Variants in RYR1 observed in about 807,000 individuals in gnomAD.
The protein encoded by RYR1 is central core disease of muscle.
Under a neutral mutation model 583.5 loss-of-function variants are expected in RYR1, and 342 were observed. That is an observed-to-expected ratio of 0.59 (90% CI 0.54 to 0.64). The LOEUF (loss-of-function observed/expected upper bound fraction) is 0.64, where lower values mean the gene tolerates loss of function less well. Among genes scored for constraint, RYR1 ranks in the 30% least tolerant of loss-of-function variants. The probability of loss-of-function intolerance (pLI) is 0.00; values close to 1 mark genes in which losing one functional copy is unlikely to be tolerated. For missense variants in RYR1, 6,032 were observed against 6,917.2 expected (o/e 0.87, Z 4.54); for synonymous variants, 2,791 against 2,822.5 (o/e 0.99, Z 0.35).
intron 22 of RYR1, among the ~76,000 whole-genome samples, chr19:38,464,163 GCTC>G (rs1967954394): frequency 6.6e-6 from 1 of 151,354 alleles, no homozygotes; most frequent in South Asian, 2.1e-4. Flanking sequence ...TGTAATCCCA[GCTC>G]CTCAGGAGGC....
intron 95 of RYR1, 44 bp downstream of exon 95, chr19:38,572,314 G>A (rs1473717405): frequency 6.4e-7 from 1 of 1,556,950 alleles, no homozygotes; most frequent in Non-Finnish European, 8.7e-7. Context: ...TTATTGGCTG[G>A]GTGGGGGTGG....
Position 38,489,275 on chromosome 19 carries a change from A to G in RYR1, c.5646A>G (p.Glu1882=). 3 of 1,607,194 alleles carry G rather than the reference A, an allele frequency of 1.9e-6. No individual in the cohort carries two copies. Among genetic ancestry groups the G allele is most frequent in the Middle Eastern group, 1.7e-4 (1 of 6,052 alleles). The part of the protein sequence containing the change: ...TEEEEEEDEE[E]EGEEEDEEEK... ...AAGAAGAGGAGGAGGACGAGGAGGA[A>G]GAGGGTGAAGAGGAAGATGAGGAGG... The change falls in exon 35 of 106, where the codon GAA becomes GAG. Residue 1882 remains glutamate, a synonymous_variant. Coordinates refer to ENST00000359596, the MANE Select transcript of RYR1 (RefSeq NM_000540.3).
At chr19:38,537,008 C>T (rs1175027170) in intron 83 of RYR1, 1 of 595,310 alleles carries the variant, frequency 1.7e-6, no homozygotes, top group Non-Finnish European at 3.0e-6. Flanking sequence ...CCCTAAGCTT[C>T]ACTTTCCCCA....
intron 20 of RYR1, among the ~76,000 whole-genome samples, chr19:38,460,893 G>A (rs1392780393): frequency 3.9e-5 from 6 of 152,136 alleles, no homozygotes; most frequent in African/African-American, 1.2e-4. Context: ...ACTGAGGCAG[G>A]AGAATCGCTT....
At position 38,458,380 on chromosome 19, in the gene RYR1, G is replaced by T. The variant is rs1270541187; in HGVS notation, c.2167+88G>T. 3 of 1,367,724 alleles carry T rather than the reference G, an allele frequency of 2.2e-6. No individual in the cohort carries two copies. In the Admixed American group the frequency reaches 5.2e-5, roughly 24 times the overall value. 84.7% of individuals were successfully genotyped at this position (1,367,724 alleles called of 1,614,324 possible). A position where few individuals can be genotyped will look rare whatever the true frequency, so the allele number is the denominator to read the frequency against. On this transcript the variant is annotated intron_variant, in intron 18 of 105. Transcript: ENST00000359596. ...TGACCATACACCTTGGGGTTCTCAG[G>T]ATCCTGACTCCCTGAAAAGGTCAAC...
chr19:38,502,750 G>GGCAGGGGCAGGGGC, intron 48 of RYR1, 23 bp downstream of exon 48: 1 of 1,236,568 alleles, frequency 8.1e-7, no homozygotes, highest in Non-Finnish European at 1.1e-6. Context: ...AGGCTTCAGG[G>GGCAGGGGCAGGGGC]TGGGGCAGGG....
chr19:38,572,431 C>T (rs1188632375), intron 95 of RYR1, among the ~76,000 whole-genome samples, 161 bp downstream of exon 95: 1 of 151,960 alleles, frequency 6.6e-6, no homozygotes, highest in African/African-American at 2.4e-5. Flanking sequence ...GGATTGGGGT[C>T]TCCAGCAAGG....
At chr19:38,464,520 G>A in intron 22 of RYR1, 119 bp from the exon 23 acceptor site, 1 of 772,004 alleles carries the variant, frequency 1.3e-6, no homozygotes, top group Non-Finnish European at 2.2e-6. Flanking sequence ...CAGGGCCAGA[G>A]CGCCCCAGGC....
In RYR1 at chr19:38,463,524, C is replaced by G. The variant is rs765657226; in HGVS notation, c.2679C>G (p.Gly893=). ...GCATCGAGCAGGGCTGGACCTACGGCCCGGTGAGGGGCTGCCTGCAGCCTG... is the reference window on the plus strand; with the variant it reads ...GCATCGAGCAGGGCTGGACCTACGGGCCGGTGAGGGGCTGCCTGCAGCCTG... ...LTRIEQGWTY[G]PVRDDNKRLH... Residue 893 remains glycine, a synonymous_variant, in exon 21 of 106, where the codon GGC becomes GGG. Transcript: ENST00000359596. 2.6e-5 allele frequency: 42 copies of G among 1,611,802 alleles called. No individual in the cohort carries two copies. In the African/African-American group the frequency reaches 5.2e-4, roughly 20 times the overall value.
At chr19:38,583,542 C>T (rs1486227434) in intron 101 of RYR1, among the ~76,000 whole-genome samples, 3 of 145,910 alleles carry the variant, frequency 2.1e-5, no homozygotes, top group Non-Finnish European at 4.7e-5. Flanking sequence ...TCCCTCCCCA[C>T]CCCCACTCAG....
Position 38,504,801 on chromosome 19 carries a change from C to T in RYR1, c.8121C>T (p.Ala2707=), listed in dbSNP as rs569143131. ...RMAMPCLCAI[A]GALPPDYVDA... ...CCATGCCTTGTCTGTGCGCCATTGC[C>T]GGGGCTCTGCCCCCCGACTATGTGG... Residue 2707 remains alanine, a synonymous_variant, in exon 51 of 106, where the codon GCC becomes GCT. Transcript: ENST00000359596. 4.9e-5 allele frequency: 79 copies of T among 1,614,124 alleles called. 1 individual carries two copies. The highest frequency in any genetic ancestry group is 6.1e-5 in the Non-Finnish European group (72 of 1,180,006).
chr19:38,527,162 G>A (rs765802195), intron 72 of RYR1, 110 bp downstream of exon 72: 81 of 1,273,914 alleles, frequency 6.4e-5, no homozygotes, highest in Non-Finnish European at 7.7e-5. Flanking sequence ...GACCTCAAAG[G>A]TCAGGAGTTT....
At chr19:38,569,168 G>A (rs1461510839) in intron 93 of RYR1, among the ~76,000 whole-genome samples, 5 of 152,048 alleles carry the variant, frequency 3.3e-5, no homozygotes, top group African/African-American at 9.7e-5. Context: ...CCGCCGCCAC[G>A]CCTGGCTAAT....
At chr19:38,522,095 G>A (rs1971250975) in intron 67 of RYR1, among the ~76,000 whole-genome samples, 1 of 152,026 alleles carries the variant, frequency 6.6e-6, no homozygotes, top group South Asian at 2.1e-4. Context: ...GCTGGGAGGG[G>A]CCATGATAGT....
chr19:38,458,908 T>C (rs1023834343), intron 18 of RYR1, among the ~76,000 whole-genome samples: 2 of 152,208 alleles, frequency 1.3e-5, no homozygotes, highest in Admixed American at 6.5e-5. Flanking sequence ...TGTGAGCCAC[T>C]GCATCCGGCC....
rs376686117 is a variant in RYR1 at position 38,462,004 on chromosome 19, G to A, written c.2577+1413G>A. On this transcript the variant is annotated intron_variant, in intron 20 of 105. Coordinates refer to ENST00000359596, the MANE Select transcript of RYR1 (RefSeq NM_000540.3). Reference sequence around the variant, plus strand: ...CGGGAGGTGGAGGTTGCAGTGAGCCGAGATCGCACCACTGCACTCCAGCCT... The same window carrying A: ...CGGGAGGTGGAGGTTGCAGTGAGCCAAGATCGCACCACTGCACTCCAGCCT... Among the ~76,000 whole-genome samples, 39 of 146,630 alleles carry A rather than the reference G, an allele frequency of 2.7e-4. No homozygotes were observed. The East Asian group carries it at 5.7e-3, about 21-fold the overall frequency.
Position 38,477,982 on chromosome 19 carries a change from G to A in RYR1, c.4454+112G>A. On this transcript the variant is annotated intron_variant, in intron 30 of 105. Coordinates refer to ENST00000359596, the MANE Select transcript of RYR1 (RefSeq NM_000540.3). The stretch of plus-strand genomic sequence containing the variant: ...GGTTGTGGGACCTAGGAACTTTCTG[G>A]AGCGGGAGGATTCTCTGGGGCACTG... 3.6e-6 allele frequency: 4 copies of A among 1,113,502 alleles called. No homozygotes were observed. In the South Asian group the frequency reaches 5.5e-5, roughly 15 times the overall value. 69.0% of individuals were successfully genotyped at this position (1,113,502 alleles called of 1,614,324 possible). A position where few individuals can be genotyped will look rare whatever the true frequency, so the allele number is the denominator to read the frequency against.
chr19:38,511,992 G>C, intron 61 of RYR1, 80 bp from the exon 62 acceptor site: 1 of 1,487,388 alleles, frequency 6.7e-7, no homozygotes, highest in South Asian at 1.2e-5. Flanking sequence ...GGAAGAGAGC[G>C]GTTGGGGTGG....
intron 29 of RYR1, 129 bp from the exon 30 acceptor site, chr19:38,477,581 C>A: frequency 9.0e-7 from 1 of 1,113,368 alleles, no homozygotes; most frequent in Non-Finnish European, 1.4e-6. Flanking sequence ...GGGTGGGGGA[C>A]TCAGATCCAA....
Sources: allele counts gnomAD v4.1 joint callset (sites outside exome capture counted in the v4.1 genomes callset), GRCh38; gene constraint gnomAD v4.1.1; transcripts MANE v1.5; gene names NCBI Gene and HGNC (gene_info 2026-07-23, HGNC 2026-07-21).